NCOA1: variants seen among roughly 807,000 people sequenced by gnomAD.
NCOA1 encodes the protein Hin-2 protein.
NCOA1 carries 35 observed loss-of-function variants against 150.9 expected under a neutral mutation model. That is an observed-to-expected ratio of 0.23 (90% CI 0.18 to 0.31). NCOA1 has a LOEUF of 0.31. NCOA1 is among the 10% of genes least tolerant of loss of function. The pLI is 1.00. For missense variants in NCOA1, 1,491 were observed against 1,749.3 expected, an observed-to-expected ratio of 0.85 and a Z score of 2.63; for synonymous variants, 590 against 630.0, an observed-to-expected ratio of 0.94 and a Z score of 0.95.
chr2:24,565,794 C>T (rs369368932), intron 2 of NCOA1, among the ~76,000 whole-genome samples: 3 of 152,256 alleles, frequency 2.0e-5, no homozygotes, highest in Admixed American at 6.5e-5. Flanking sequence ...CTGGCTGTGG[C>T]GGGGCAGGCA....
chr2:24,707,544 C>G lies in NCOA1; in HGVS notation c.2074C>G (p.Arg692Gly), dbSNP rs1039398750. Residue 692 changes from arginine to glycine, a missense_variant, in exon 13 of 23, where the codon CGG (arginine) becomes GGG (glycine). This residue lies in a region of NCOA1 where 703 missense variants were observed against 717.7 expected (regional missense o/e 0.98). Coordinates refer to ENST00000348332, the MANE Select transcript of NCOA1 (RefSeq NM_003743.5). ...SLTERHKILH[R>G]LLQEGSPSDI... is the part of the protein sequence containing the mutation. ...GACAGAACGGCATAAAATTCTACAC[C>G]GGCTCTTACAGGAGGGTAGCCCCTC... is the stretch of plus-strand genomic sequence containing the variant. The G allele has an allele frequency of 2.5e-6, 4 of 1,613,990 alleles. No individual in the cohort carries two copies.
intron 19 of NCOA1, among the ~76,000 whole-genome samples, chr2:24,750,799 C>T (rs1002293452): frequency 6.6e-6 from 1 of 151,758 alleles, no homozygotes; most frequent in African/African-American, 2.4e-5. Flanking sequence ...GATTAGATGT[C>T]CAAACTGGAT....
At position 24,707,719 on chromosome 2, in the gene NCOA1, G is replaced by A. The variant is rs755651796; in HGVS notation, c.2249G>A (p.Arg750His). Residue 750 changes from arginine to histidine, a missense_variant, in exon 13 of 23, where the codon CGC becomes CAC. Arg to His is a conservative substitution (Grantham distance 29). Coordinates refer to ENST00000348332, the MANE Select transcript of NCOA1 (RefSeq NM_003743.5). ...GAATCAAAAGACCATCAGCTCCTAC[G>A]CTATCTTTTAGATAAAGATGAGAAA... ...KKESKDHQLL[R>H]YLLDKDEKDL... is the part of the protein sequence containing the mutation. The A allele has an allele frequency of 1.4e-5, 23 of 1,613,802 alleles. No homozygotes were observed. Among genetic ancestry groups the A allele is most frequent in the Admixed American group, 1.3e-4 (8 of 59,998 alleles).
At chr2:24,633,687 T>C (rs146313752) in intron 3 of NCOA1, among the ~76,000 whole-genome samples, 236 of 152,318 alleles carry the variant, frequency 1.5e-3, no homozygotes, top group Middle Eastern at 6.8e-3. Context: ...ATTATATCAA[T>C]AGCATTGGGA....
chr2:24,560,887 G>A (rs947341333), intron 1 of NCOA1, among the ~76,000 whole-genome samples: 3 of 152,088 alleles, frequency 2.0e-5, no homozygotes, highest in African/African-American at 7.2e-5. Context: ...ACACCACAGA[G>A]GTTTCTGTGC....
intron 1 of NCOA1, among the ~76,000 whole-genome samples, chr2:24,520,606 G>C (rs1164654759): frequency 1.3e-5 from 2 of 152,206 alleles, no homozygotes; most frequent in African/African-American, 4.8e-5. Context: ...GCACAGGGAA[G>C]TGTGGGAATG....
At chr2:24,589,960 C>T (rs1471303179) in intron 3 of NCOA1, among the ~76,000 whole-genome samples, 1 of 152,012 alleles carries the variant, frequency 6.6e-6, no homozygotes, top group Non-Finnish European at 1.5e-5. Flanking sequence ...ATCTTTCTAC[C>T]CTAATTGACA....
chr2:24,542,737 G>A (rs1326091060), intron 1 of NCOA1, among the ~76,000 whole-genome samples: 1 of 152,022 alleles, frequency 6.6e-6, no homozygotes, highest in Admixed American at 6.6e-5. Flanking sequence ...GACATACAAA[G>A]GCTAAAGAGA....
intron 17 of NCOA1, among the ~76,000 whole-genome samples, chr2:24,730,882 A>C (rs973374633): frequency 4.0e-5 from 6 of 150,702 alleles, no homozygotes; most frequent in South Asian, 2.1e-4. Flanking sequence ...AAAAAAAAAA[A>C]AAAAAAAAAA....
intron 3 of NCOA1, among the ~76,000 whole-genome samples, chr2:24,623,615 A>G (rs1669273810): frequency 6.6e-6 from 1 of 152,214 alleles, no homozygotes; most frequent in Non-Finnish European, 1.5e-5. Flanking sequence ...CTGCCATAGC[A>G]GAATACCACA....
chr2:24,556,572 T>C (rs1239857347), intron 1 of NCOA1, among the ~76,000 whole-genome samples: 2 of 152,172 alleles, frequency 1.3e-5, no homozygotes, highest in Non-Finnish European at 2.9e-5. Flanking sequence ...GCAAAGGACA[T>C]GAACAGACAC....
rs1665227443 is a variant in NCOA1, at chr2:24,769,581, T to C, written c.*1190T>C. On this transcript the variant is annotated 3_prime_UTR_variant, in exon 23 of 23. Coordinates refer to ENST00000348332, the MANE Select transcript of NCOA1 (RefSeq NM_003743.5). Reference sequence around the variant, plus strand: ...GCTACTTGTACAGAGAAAAAATTAATACTCAAAGGAAATCTTCATTTTTTA... The same window carrying C: ...GCTACTTGTACAGAGAAAAAATTAACACTCAAAGGAAATCTTCATTTTTTA... 4.9e-6 allele frequency: 1 copy of C among 203,538 alleles called. No homozygotes were observed. The highest frequency in any genetic ancestry group is 1.9e-4 in the South Asian group (1 of 5,240). 12.6% of individuals were successfully genotyped at this position (203,538 alleles called of 1,614,324 possible). A position where few individuals can be genotyped will look rare whatever the true frequency, so the allele number is the denominator to read the frequency against.
At chr2:24,687,535 G>A (rs1374980038) in intron 8 of NCOA1, among the ~76,000 whole-genome samples, 1 of 152,096 alleles carries the variant, frequency 6.6e-6, no homozygotes, top group African/African-American at 2.4e-5. Context: ...AAAGGAAAGA[G>A]GTTTAATTGA....
At chr2:24,739,337 C>A in intron 17 of NCOA1, 95 bp from the exon 18 acceptor site, 1 of 905,500 alleles carries the variant, frequency 1.1e-6, no homozygotes. Context: ...AACACTAAAA[C>A]TTTTTAGTAA....
chr2:24,625,466 C>A (rs935249144), intron 3 of NCOA1, among the ~76,000 whole-genome samples: 1 of 150,758 alleles, frequency 6.6e-6, no homozygotes, highest in African/African-American at 2.4e-5. Flanking sequence ...AAGGAACTAA[C>A]TTTTGCTTTG....
At chr2:24,756,901 G>T (rs893143410) in intron 20 of NCOA1, among the ~76,000 whole-genome samples, 1 of 151,490 alleles carries the variant, frequency 6.6e-6, no homozygotes, top group Non-Finnish European at 1.5e-5. Flanking sequence ...GAAGAAGGAA[G>T]TCAGTAAAAC....
At chr2:24,515,152 T>C (rs1664111903) in intron 1 of NCOA1, among the ~76,000 whole-genome samples, 1 of 152,254 alleles carries the variant, frequency 6.6e-6, no homozygotes, top group Admixed American at 6.5e-5. Context: ...ATGTTTTGTA[T>C]GGCGTTCCTA....
rs1003753813 is a variant in NCOA1, at chr2:24,653,093, C to T, written c.-17-5568C>T. Among the ~76,000 whole-genome samples the T allele has an allele frequency of 5.3e-5, 8 of 152,116 alleles. 1 individual carries two copies. Among genetic ancestry groups the T allele is most frequent in the Admixed American group, 4.6e-4 (7 of 15,266 alleles). On this transcript the variant is annotated intron_variant, in intron 4 of 22. Coordinates refer to ENST00000348332, the MANE Select transcript of NCOA1 (RefSeq NM_003743.5). ...TCTGGCTGCTGTTGTTTGTTGTTTGCTCTCCCTAGCCCCAGAATCTCAGAT... is the reference window on the plus strand; with the variant it reads ...TCTGGCTGCTGTTGTTTGTTGTTTGTTCTCCCTAGCCCCAGAATCTCAGAT...
At chr2:24,639,819 C>T (rs986312215) in intron 3 of NCOA1, among the ~76,000 whole-genome samples, 4 of 147,770 alleles carry the variant, frequency 2.7e-5, no homozygotes, top group South Asian at 2.1e-4. Context: ...ACCTGGGAGG[C>T]GGAGGTTGCA....
Sources: gnomAD v4.1 joint callset for allele counts (sites outside exome capture counted in the v4.1 genomes callset) on GRCh38, gnomAD v4.1.1 for gene constraint, gnomAD v4.1.1 regional missense constraint, MANE v1.5 for transcripts, NCBI Gene and HGNC (gene_info 2026-07-23, HGNC 2026-07-21) for gene names.